Variants in RASGEF1B observed in about 807,000 individuals in gnomAD.
RASGEF1B encodes the protein ras-GEF domain-containing family member 1B.
In RASGEF1B, 30 loss-of-function variants were observed where a neutral mutation model predicts 65.7. The observed-to-expected ratio is 0.46, with a 90% CI of 0.34 to 0.62. The LOEUF is 0.62. Among genes scored for constraint, RASGEF1B ranks in the 20% least tolerant of loss-of-function variants. The pLI, the probability that RASGEF1B is intolerant of heterozygous loss-of-function variation, is 0.01. For synonymous variants in RASGEF1B, 175 were observed against 194.8 expected (o/e 0.90, Z 0.85); for missense variants, 495 against 580.1 (o/e 0.85, Z 1.51).
At chr4:81,460,434 C>A (rs1288247507) in intron 1 of RASGEF1B, among the ~76,000 whole-genome samples, 1 of 152,190 alleles carries the variant, frequency 6.6e-6, no homozygotes, top group Non-Finnish European at 1.5e-5. Context: ...CTGGGGGCTT[C>A]AGAAGGCAAA....
chr4:81,459,427 A>T lies in RASGEF1B; in HGVS notation c.82T>A (p.Cys28Ser). The T allele has an allele frequency of 6.2e-7, 1 of 1,613,752 alleles. No individual in the cohort carries two copies. Among genetic ancestry groups the T allele is most frequent in the Non-Finnish European group, 8.5e-7 (1 of 1,179,862 alleles). ...TTGTCATGGTAATACAACCCTCCAC[A>T]GCTGTCCTCTGCAGACTGATAGAGG... ...RNLYQSAEDS[C>S]GGLYYHDNNL... is the part of the protein sequence containing the mutation. The change falls in exon 2 of 14, where the codon TGT (cysteine) becomes AGT (serine). Residue 28 changes from cysteine to serine, a missense_variant. By Grantham distance (112) the Cys-to-Ser change is moderately radical. Transcript: ENST00000264400.
At chr4:81,457,475 A>G (rs772745760) in intron 3 of RASGEF1B, 24 bp downstream of exon 3, 7 of 1,609,722 alleles carry the variant, frequency 4.3e-6, no homozygotes, top group Middle Eastern at 3.3e-4. Context: ...ATTCCTAATA[A>G]AACAAATTGT....
chr4:81,471,413 A>G (rs902555057), intron 1 of RASGEF1B, among the ~76,000 whole-genome samples: 2 of 152,204 alleles, frequency 1.3e-5, no homozygotes, highest in African/African-American at 4.8e-5. Context: ...ATCAGGGAGA[A>G]AGAGGGAAGG....
Position 81,456,494 on chromosome 4 carries a change from C to T in RASGEF1B, c.438+157G>A, listed in dbSNP as rs563348535. ...AAGTGGGATGGTATAATCATTCTCA[C>T]TTGACATACTAAATAGACCAATATG... On this transcript the variant is annotated intron_variant, in intron 4 of 13. Transcript: ENST00000264400. The T allele has an allele frequency of 8.0e-5, 63 of 787,738 alleles. No individual in the cohort carries two copies. In the East Asian group the frequency reaches 1.4e-3, roughly 18 times the overall value. The allele number at this position is 787,738 out of a possible 1,614,324, so 48.8% of individuals were successfully genotyped here. A position where few individuals can be genotyped will look rare whatever the true frequency, so the allele number is the denominator to read the frequency against.
intron 4 of RASGEF1B, among the ~76,000 whole-genome samples, chr4:81,450,457 C>G (rs1467493236): frequency 6.6e-6 from 1 of 152,138 alleles, no homozygotes; most frequent in East Asian, 1.9e-4. Context: ...CCTCCACCTC[C>G]CAGGTTCAAG....
chr4:81,437,644 C>A (rs1434827273), intron 10 of RASGEF1B, among the ~76,000 whole-genome samples: 1 of 152,162 alleles, frequency 6.6e-6, no homozygotes, highest in African/African-American at 2.4e-5. Flanking sequence ...GAGGCTATTA[C>A]CTTACATGAT....
intron 4 of RASGEF1B, chr4:81,452,795 T>C (rs1304810389): frequency 6.6e-6 from 1 of 152,238 alleles, no homozygotes; most frequent in Non-Finnish European, 1.5e-5. Context: ...AATTGCATTC[T>C]ACTCACTACA....
At chr4:81,470,588 A>T (rs1002119116) in intron 1 of RASGEF1B, among the ~76,000 whole-genome samples, 2 of 152,198 alleles carry the variant, frequency 1.3e-5, no homozygotes, top group Admixed American at 1.3e-4. Context: ...ACACACCAGC[A>T]GTTCCTGACC....
chr4:81,455,533 C>T (rs900174174), intron 4 of RASGEF1B: 9 of 152,150 alleles, frequency 5.9e-5, no homozygotes, highest in East Asian at 3.8e-4. Context: ...CATTTTAAGA[C>T]GAATAAAATG....
intron 1 of RASGEF1B, among the ~76,000 whole-genome samples, chr4:81,465,121 T>C (rs1455847876): frequency 6.6e-6 from 1 of 151,778 alleles, no homozygotes; most frequent in Admixed American, 6.6e-5. Context: ...ATCAAGGAAT[T>C]CTTGTATTTT....
At chr4:81,431,060 TC>T (rs893023350) in intron 13 of RASGEF1B, among the ~76,000 whole-genome samples, 12 of 151,964 alleles carry the variant, frequency 7.9e-5, no homozygotes, top group African/African-American at 2.9e-4. Context: ...GCAAAATGTA[TC>T]AAAAAAGGAT....
intron 1 of RASGEF1B, among the ~76,000 whole-genome samples, chr4:81,462,932 G>C (rs900401294): frequency 1.3e-5 from 2 of 152,128 alleles, no homozygotes; most frequent in African/African-American, 4.8e-5. Flanking sequence ...AAGAAGCTGA[G>C]GTTCAGAAAA....
chr4:81,439,837 A>T (rs1342351846), intron 10 of RASGEF1B, among the ~76,000 whole-genome samples: 1 of 152,194 alleles, frequency 6.6e-6, no homozygotes, highest in Non-Finnish European at 1.5e-5. Flanking sequence ...CTCTGATCTT[A>T]TAAGTTTCTT....
At chr4:81,446,161 G>A (rs1245380274) in intron 6 of RASGEF1B, among the ~76,000 whole-genome samples, 6 of 152,290 alleles carry the variant, frequency 3.9e-5, no homozygotes, top group African/African-American at 1.4e-4. Flanking sequence ...GATCACCAGA[G>A]GTCAGGAGTT....
Position 81,457,521 on chromosome 4 carries a change from A to C in RASGEF1B, c.278T>G (p.Leu93Arg), listed in dbSNP as rs200477876. 6.2e-7 allele frequency: 1 copy of C among 1,614,144 alleles called. No homozygotes were observed. Among genetic ancestry groups the C allele is most frequent in the East Asian group, 2.2e-5 (1 of 44,876 alleles). Residue 93 changes from leucine to arginine, a missense_variant, in exon 3 of 14, where the codon CTA becomes CGA. By Grantham distance (102) the Leu-to-Arg change is moderately radical (BLOSUM62 -2). Transcript: ENST00000264400. ...VCHLCVEHQR[L>R]SDPDSDKNQM... ...TACCTTATCACTATCAGGATCACTTAGTCTCTGGTGCTCAACACATAAGTG... is the reference window on the plus strand; with the variant it reads ...TACCTTATCACTATCAGGATCACTTCGTCTCTGGTGCTCAACACATAAGTG...
At chr4:81,467,860 A>G (rs1029756765) in intron 1 of RASGEF1B, among the ~76,000 whole-genome samples, 2 of 152,328 alleles carry the variant, frequency 1.3e-5, no homozygotes, top group South Asian at 4.1e-4. Flanking sequence ...TCTTCTGGAT[A>G]ATCAAAATCA....
At chr4:81,447,630 G>A (rs1416923539) in intron 5 of RASGEF1B, 52 bp from the exon 6 acceptor site, 3 of 1,378,508 alleles carry the variant, frequency 2.2e-6, no homozygotes, top group Non-Finnish European at 3.1e-6. Context: ...GAAAAGAAAT[G>A]GACTGTCAAC....
intron 1 of RASGEF1B, among the ~76,000 whole-genome samples, chr4:81,461,926 A>G (rs1184107508): frequency 1.3e-5 from 2 of 152,216 alleles, no homozygotes; most frequent in Non-Finnish European, 2.9e-5. Flanking sequence ...CCAGAGGCTA[A>G]TTAGCAGTAA....
At position 81,440,719 on chromosome 4, in the gene RASGEF1B, T is replaced by G. The variant is rs986077754; in HGVS notation, c.1104+115A>C. The G allele has an allele frequency of 2.0e-5, 13 of 654,574 alleles. No homozygotes were observed. The Admixed American group carries it at 2.6e-4, about 13-fold the overall frequency. The allele number at this position is 654,574 out of a possible 1,614,324, so 40.5% of individuals were successfully genotyped here. A position where few individuals can be genotyped will look rare whatever the true frequency, so the allele number is the denominator to read the frequency against. On this transcript the variant is annotated intron_variant, in intron 10 of 13. Transcript: ENST00000264400. Reference sequence around the variant, plus strand: ...AGTGGTATCATTTCTAGAGTACACATGTCTCTCTCTTAAATCTTAACAAGT... The same window carrying G: ...AGTGGTATCATTTCTAGAGTACACAGGTCTCTCTCTTAAATCTTAACAAGT...
Sources: gnomAD v4.1 joint callset for allele counts (sites outside exome capture counted in the v4.1 genomes callset) on GRCh38, gnomAD v4.1.1 for gene constraint, MANE v1.5 for transcripts, NCBI Gene and HGNC (gene_info 2026-07-23, HGNC 2026-07-21) for gene names.